The following EPM2A variants were observed in gnomAD, a reference collection of about 807,000 sequenced individuals.
EPM2A encodes EPM2A glucan phosphatase, laforin, also known as laforin.
Under a neutral mutation model 26.5 loss-of-function variants are expected in EPM2A, and 21 were observed. The observed-to-expected ratio is 0.79, with a 90% CI of 0.56 to 1.14. The LOEUF is 1.14. EPM2A is among the 50% of genes most tolerant of loss of function. EPM2A has a pLI of 0.00. For synonymous variants in EPM2A, 217 were observed against 177.6 expected (o/e 1.22, Z -1.76); for missense variants, 458 against 440.8 (o/e 1.04, Z -0.35).
chr6:145,411,543 A>T (rs1229506843), intron 4 of EPM2A, among the ~76,000 whole-genome samples: 2 of 151,420 alleles, frequency 1.3e-5, no homozygotes, highest in Admixed American at 1.3e-4. Flanking sequence ...TTCAGAAGGG[A>T]AAAAATGAGG....
intron 2 of EPM2A, among the ~76,000 whole-genome samples, chr6:145,653,258 C>CT (rs1007965723): frequency 6.6e-6 from 1 of 152,164 alleles, no homozygotes; most frequent in African/African-American, 2.4e-5. Flanking sequence ...CCATGCTGTT[C>CT]TTGTGATAGG....
chr6:145,421,119 A>C (rs1778775688), intron 4 of EPM2A, among the ~76,000 whole-genome samples: 3 of 152,186 alleles, frequency 2.0e-5, no homozygotes, highest in African/African-American at 7.2e-5. Flanking sequence ...ACACTGGATG[A>C]CTGCACAGTG....
intron 4 of EPM2A, among the ~76,000 whole-genome samples, chr6:145,440,257 T>G (rs1422131077): frequency 3.3e-5 from 5 of 152,170 alleles, no homozygotes; most frequent in African/African-American, 9.7e-5. Context: ...TTTCCCCTTA[T>G]AAAACCATCA....
chr6:145,603,568 A>G (rs1353440029), intron 2 of EPM2A, among the ~76,000 whole-genome samples: 1 of 152,234 alleles, frequency 6.6e-6, no homozygotes, highest in Non-Finnish European at 1.5e-5. Context: ...GGTGTTCAAT[A>G]AATGTTAACT....
intron 2 of EPM2A, among the ~76,000 whole-genome samples, chr6:145,668,253 G>T (rs1185547095): frequency 6.6e-6 from 1 of 152,018 alleles, no homozygotes; most frequent in East Asian, 1.9e-4. Context: ...GACAGGATCT[G>T]CAATCTAAGA....
chr6:145,627,492 T>C lies in EPM2A; in HGVS notation c.920A>G (p.Glu307Gly). 1.2e-6 allele frequency: 2 copies of C among 1,614,264 alleles called. No homozygotes were observed. The highest frequency in any genetic ancestry group is 1.1e-5 in the South Asian group (1 of 91,090). The stretch of plus-strand genomic sequence containing the variant: ...TTCTTGTGCCCGGGCCAAGGCCTCT[T>C]CGTCAATGTAGACAGCCGGCCTCTT... The part of the protein sequence containing the change: ...MAKRPAVYID[E>G]EALARAQEDF... Residue 307 changes from glutamate (E) to glycine (G), a missense_variant, in exon 4 of 4, where the codon GAA becomes GGA. Glu to Gly is a moderately conservative substitution (Grantham distance 98). Coordinates refer to ENST00000367519, the MANE Select transcript of EPM2A (RefSeq NM_005670.4).
chr6:145,490,764 G>A (rs1779744150), intron 4 of EPM2A: 1 of 562,014 alleles, frequency 1.8e-6, no homozygotes, highest in South Asian at 1.5e-5. Flanking sequence ...GTTGTCACAT[G>A]TGACAACTGA....
At chr6:145,560,040 G>T (rs1277150830) in intron 2 of EPM2A, among the ~76,000 whole-genome samples, 1 of 152,112 alleles carries the variant, frequency 6.6e-6, no homozygotes, top group Non-Finnish European at 1.5e-5. Flanking sequence ...AAATGTTAAA[G>T]TACATTCAGC....
At chr6:145,671,309 C>A in intron 2 of EPM2A, 1 of 1,030,326 alleles carries the variant, frequency 9.7e-7, no homozygotes, top group Non-Finnish European at 1.2e-6. Flanking sequence ...TAGAGCTGGA[C>A]TCTTGAGTTG....
chr6:145,571,089 C>T (rs1394922213), intron 2 of EPM2A, among the ~76,000 whole-genome samples: 2 of 152,140 alleles, frequency 1.3e-5, no homozygotes, highest in Non-Finnish European at 2.9e-5. Context: ...AAGAAGCAAA[C>T]ATTTTGTTAG....
chr6:145,550,129 A>C (rs976301479), intron 2 of EPM2A, among the ~76,000 whole-genome samples: 2 of 152,088 alleles, frequency 1.3e-5, no homozygotes, highest in Non-Finnish European at 2.9e-5. Flanking sequence ...AAACTGAGGG[A>C]ACTTTGGGAA....
chr6:145,625,146 A>G (rs922662469), downstream of EPM2A, among the ~76,000 whole-genome samples: 8 of 152,228 alleles, frequency 5.3e-5, no homozygotes, highest in Non-Finnish European at 1.0e-4. Flanking sequence ...TTTATCATGT[A>G]ACTGCCAATT....
At chr6:145,717,582 G>C (rs544392428) in intron 1 of EPM2A, among the ~76,000 whole-genome samples, 1 of 152,092 alleles carries the variant, frequency 6.6e-6, no homozygotes, top group African/African-American at 2.4e-5. Context: ...CTCTCTCACC[G>C]CTCCTATTCA....
chr6:145,396,776 G>T (rs901693290), intron 4 of EPM2A, among the ~76,000 whole-genome samples: 2 of 152,170 alleles, frequency 1.3e-5, no homozygotes, highest in Non-Finnish European at 2.9e-5. Flanking sequence ...TCTTGTAGTG[G>T]TGACGTTTAT....
chr6:145,585,962 T>C (rs1188024117), intron 2 of EPM2A, among the ~76,000 whole-genome samples: 3 of 152,226 alleles, frequency 2.0e-5, no homozygotes, highest in Non-Finnish European at 2.9e-5. Context: ...ACTCCAGTCT[T>C]GTGACTGGGA....
intron 2 of EPM2A, among the ~76,000 whole-genome samples, chr6:145,608,116 C>T (rs955267910): frequency 5.3e-5 from 8 of 152,090 alleles, no homozygotes; most frequent in East Asian, 1.9e-4. Flanking sequence ...AAAGATATTT[C>T]GAGAGAGAGA....
chr6:145,715,692 T>C (rs1174564633), intron 1 of EPM2A, among the ~76,000 whole-genome samples: 1 of 151,990 alleles, frequency 6.6e-6, no homozygotes, highest in Non-Finnish European at 1.5e-5. Flanking sequence ...CACAGTAGAT[T>C]CTCATAGGAG....
At chr6:145,532,559 A>G (rs1033604668) in intron 2 of EPM2A, among the ~76,000 whole-genome samples, 5 of 152,124 alleles carry the variant, frequency 3.3e-5, no homozygotes, top group African/African-American at 1.2e-4. Context: ...TTGTCATTTA[A>G]TGTGTGCTGA....
intron 4 of EPM2A, chr6:145,490,422 T>C: frequency 1.3e-6 from 1 of 769,310 alleles, no homozygotes. Context: ...TTCTAGCAAA[T>C]CTTTCATGAC....
Sources: allele counts gnomAD v4.1 joint callset (sites outside exome capture counted in the v4.1 genomes callset), GRCh38; gene constraint gnomAD v4.1.1; transcripts MANE v1.5; gene names NCBI Gene and HGNC (gene_info 2026-07-23, HGNC 2026-07-21).